AKAP13: variants seen among roughly 807,000 people sequenced by gnomAD.
The protein encoded by AKAP13 is A-kinase anchor protein 13.
AKAP13 carries 80 observed loss-of-function variants against 264.5 expected under a neutral mutation model. The observed-to-expected ratio is 0.30, with a 90% CI of 0.25 to 0.36. The LOEUF (loss-of-function observed/expected upper bound fraction) is 0.36, where lower values mean the gene tolerates loss of function less well. AKAP13 is among the 10% of genes least tolerant of loss of function. The pLI, the probability that AKAP13 is intolerant of heterozygous loss-of-function variation, is 1.00. For synonymous variants in AKAP13, 1,380 were observed against 1,250.2 expected (o/e 1.10, Z -2.19); for missense variants, 3,712 against 3,435.2 (o/e 1.08, Z -2.01).
At chr15:85,480,167 G>A (rs1188820909) in intron 1 of AKAP13, among the ~76,000 whole-genome samples, 2 of 152,174 alleles carry the variant, frequency 1.3e-5, no homozygotes, top group African/African-American at 4.8e-5. Flanking sequence ...ACATTTTGGT[G>A]TTCGTTCCTC....
rs144293664 is a variant in AKAP13 at position 85,398,721 on chromosome 15, A to G, written c.-12+17923A>G. Among the ~76,000 whole-genome samples, 123 of 152,114 alleles carry G rather than the reference A, an allele frequency of 8.1e-4. 1 individual carries two copies. The highest frequency in any genetic ancestry group is 2.8e-3 in the African/African-American group (115 of 41,506). ...CAGGCACATGCCACCACGCCCGGCT[A>G]ATTTTTGGATTTTTAGTAGAGATGG... On this transcript the variant is annotated intron_variant, in intron 1 of 36. Coordinates refer to ENST00000394518, the MANE Select transcript of AKAP13 (RefSeq NM_007200.5).
At chr15:85,400,585 T>C (rs2071374532) in intron 1 of AKAP13, among the ~76,000 whole-genome samples, 1 of 152,174 alleles carries the variant, frequency 6.6e-6, no homozygotes, top group African/African-American at 2.4e-5. Flanking sequence ...CCTTTTTCTC[T>C]GAGCCAAAGA....
chr15:85,664,243 C>T (rs1447059400), intron 12 of AKAP13, among the ~76,000 whole-genome samples: 1 of 152,146 alleles, frequency 6.6e-6, no homozygotes, highest in Non-Finnish European at 1.5e-5. Flanking sequence ...AAGGAAAAAA[C>T]ACATATATAA....
chr15:85,612,546 C>T (rs895076369), intron 8 of AKAP13, among the ~76,000 whole-genome samples: 2 of 152,062 alleles, frequency 1.3e-5, no homozygotes, highest in Non-Finnish European at 2.9e-5. Context: ...GTAGATCAAG[C>T]GTGGTGGCTC....
Position 85,580,662 on chromosome 15 carries a change from T to C in AKAP13, c.2594T>C (p.Leu865Pro). 1 of 1,614,212 alleles carries C rather than the reference T, an allele frequency of 6.2e-7. No individual in the cohort carries two copies. The highest frequency in any genetic ancestry group is 1.1e-5 in the South Asian group (1 of 91,090). Residue 865 changes from leucine (L) to proline (P), a missense_variant, in exon 7 of 37, where the codon CTC becomes CCC. Around this residue, in one of 3 missense-constraint regions of AKAP13, gnomAD observed 2,759 missense variants for 2,411.7 expected, o/e 1.14. Transcript: ENST00000394518. ...ELQHGMGNTS[L>P]TGLGGEHEGP... ...CAGCACGGGATGGGGAATACCAGTCTCACAGGACTTGGTGGAGAGCATGAG... is the reference window on the plus strand; with the variant it reads ...CAGCACGGGATGGGGAATACCAGTCCCACAGGACTTGGTGGAGAGCATGAG...
At chr15:85,544,096 G>C in intron 5 of AKAP13, 141 bp downstream of exon 5, 2 of 1,013,816 alleles carry the variant, frequency 2.0e-6, no homozygotes, top group Non-Finnish European at 3.0e-6. Flanking sequence ...TCTGCTGGAG[G>C]TTTGTAAGCT....
At chr15:85,426,947 TTTGTTTTG>T (rs1255464217) in intron 1 of AKAP13, among the ~76,000 whole-genome samples, 3 of 123,690 alleles carry the variant, frequency 2.4e-5, no homozygotes, top group Admixed American at 9.3e-5. Context: ...TTAGTATTGT[TTTGTTTTG>T]TTTTTTTTTT....
At chr15:85,690,151 A>G (rs2151630726) in intron 16 of AKAP13, 1 of 152,386 alleles carries the variant, frequency 6.6e-6, no homozygotes, top group East Asian at 1.9e-4. Flanking sequence ...TAAACACAGA[A>G]AGAGCCAGTG....
intron 8 of AKAP13, among the ~76,000 whole-genome samples, chr15:85,624,182 A>C (rs1161374586): frequency 6.6e-6 from 1 of 152,224 alleles, no homozygotes; most frequent in Non-Finnish European, 1.5e-5. Context: ...TACCTGGAAA[A>C]ATACTGCCTG....
At chr15:85,475,287 T>C (rs2075119625) in intron 1 of AKAP13, among the ~76,000 whole-genome samples, 1 of 152,242 alleles carries the variant, frequency 6.6e-6, no homozygotes, top group South Asian at 2.1e-4. Context: ...CACTGAATTA[T>C]GGCCTTCCTC....
chr15:85,582,075 T>G lies in AKAP13; in HGVS notation c.4007T>G (p.Ile1336Ser), dbSNP rs1173748167. Residue 1336 changes from isoleucine to serine, a missense_variant, in exon 7 of 37, where the codon ATT (isoleucine) becomes AGT (serine). By Grantham distance (142) the Ile-to-Ser change is moderately radical. This residue lies in a region of AKAP13 where 2,759 missense variants were observed against 2,411.7 expected (regional missense o/e 1.14). Transcript: ENST00000394518. ...FAGREEPEKI[I>S]LPVQGPEPAA... ...GGAAGGGAGGAGCCAGAGAAGATCATTTTACCTGTCCAGGGGCCTGAGCCA... is the reference window on the plus strand; with the variant it reads ...GGAAGGGAGGAGCCAGAGAAGATCAGTTTACCTGTCCAGGGGCCTGAGCCA... 1 of 1,611,568 alleles carries G rather than the reference T, an allele frequency of 6.2e-7. No individual in the cohort carries two copies.
intron 2 of AKAP13, among the ~76,000 whole-genome samples, chr15:85,498,570 C>G (rs1251233342): frequency 1.1e-5 from 1 of 88,016 alleles, no homozygotes; most frequent in Non-Finnish European, 2.5e-5. Context: ...GTTTCACTAT[C>G]AGCTCCCCAG....
chr15:85,533,482 A>G, intron 3 of AKAP13, 102 bp from the exon 4 acceptor site: 1 of 1,160,720 alleles, frequency 8.6e-7, no homozygotes, highest in Non-Finnish European at 1.2e-6. Context: ...TTTTAGGAGG[A>G]GAAATTTGTA....
intron 3 of AKAP13, among the ~76,000 whole-genome samples, chr15:85,530,555 T>C (rs1321744334): frequency 6.6e-6 from 1 of 152,234 alleles, no homozygotes; most frequent in East Asian, 1.9e-4. Context: ...CATAATTCAA[T>C]TTGGATCTCA....
intron 17 of AKAP13, chr15:85,702,919 G>A (rs1176692049): frequency 6.6e-6 from 1 of 152,214 alleles, no homozygotes; most frequent in East Asian, 1.9e-4. Context: ...GGGTCTTTCA[G>A]AATAAGGAAT....
intron 12 of AKAP13, among the ~76,000 whole-genome samples, chr15:85,661,178 C>T (rs1451499190): frequency 1.3e-5 from 2 of 152,094 alleles, no homozygotes; most frequent in African/African-American, 4.8e-5. Flanking sequence ...CCCAACATTT[C>T]CATGCAGTTT....
Position 85,655,694 on chromosome 15 carries a change from T to C in AKAP13, c.4652T>C (p.Leu1551Pro), listed in dbSNP as rs1331713797. 6.2e-7 allele frequency: 1 copy of C among 1,614,172 alleles called. No individual in the cohort carries two copies. Among genetic ancestry groups the C allele is most frequent in the Admixed American group, 1.7e-5 (1 of 60,024 alleles). Residue 1551 changes from leucine to proline, a missense_variant, in exon 11 of 37, where the codon CTA (leucine) becomes CCA (proline). Leu to Pro is a moderately conservative substitution (Grantham distance 98, BLOSUM62 -3). Coordinates refer to ENST00000394518, the MANE Select transcript of AKAP13 (RefSeq NM_007200.5). ...GAAGTGCCTGCAAACTGCTCTGTCCTAAGGAGCTCCATGCGCTCTCTTTCT... is the reference window on the plus strand; with the variant it reads ...GAAGTGCCTGCAAACTGCTCTGTCCCAAGGAGCTCCATGCGCTCTCTTTCT... ...ITEVPANCSVLRSSMRSLSPF... is the reference protein window; with the variant it reads ...ITEVPANCSVPRSSMRSLSPF...
At chr15:85,626,075 CT>C (rs2081396385) in intron 8 of AKAP13, among the ~76,000 whole-genome samples, 1 of 152,182 alleles carries the variant, frequency 6.6e-6, no homozygotes, top group Admixed American at 6.5e-5. Flanking sequence ...TTTTGACATT[CT>C]TTCCACACAC....
intron 10 of AKAP13, among the ~76,000 whole-genome samples, chr15:85,647,920 T>G (rs2082629054): frequency 6.6e-6 from 1 of 151,916 alleles, no homozygotes; most frequent in South Asian, 2.1e-4. Context: ...AGAGCGAGAC[T>G]CCATCTCAAA....
Sources: gnomAD v4.1 joint callset for allele counts (sites outside exome capture counted in the v4.1 genomes callset) on GRCh38, gnomAD v4.1.1 for gene constraint, gnomAD v4.1.1 regional missense constraint, MANE v1.5 for transcripts, NCBI Gene and HGNC (gene_info 2026-07-23, HGNC 2026-07-21) for gene names.